DONSON: variants seen among roughly 807,000 people sequenced by gnomAD.
DONSON encodes the protein protein downstream neighbor of Son.
Under a neutral mutation model 62.1 loss-of-function variants are expected in DONSON, and 43 were observed. The ratio of observed to expected loss-of-function variants is 0.69; its 90% CI spans 0.54 to 0.89. DONSON has a LOEUF of 0.89. Ranked by LOEUF, DONSON falls within the 40% of genes least tolerant of loss-of-function variation. The probability of loss-of-function intolerance (pLI) is 0.00; values close to 1 mark genes in which losing one functional copy is unlikely to be tolerated. For synonymous variants in DONSON, 266 were observed against 264.6 expected (o/e 1.01, Z -0.05); for missense variants, 696 against 697.5 (o/e 1.00, Z 0.03).
At position 33,581,237 on chromosome 21, in the gene DONSON, A is replaced by G. The variant is rs185064546; in HGVS notation, c.1350+65T>C. The G allele has an allele frequency of 3.4e-4, 490 of 1,437,756 alleles. 2 individuals carry two copies. The African/African-American group carries it at 6.5e-3, about 19-fold the overall frequency. 89.1% of individuals were successfully genotyped at this position (1,437,756 alleles called of 1,614,324 possible). A position where few individuals can be genotyped will look rare whatever the true frequency, so the allele number is the denominator to read the frequency against. On this transcript the variant is annotated intron_variant, in intron 8 of 9. Coordinates refer to ENST00000303071, the MANE Select transcript of DONSON (RefSeq NM_017613.4). Reference sequence around the variant, plus strand: ...AAAATGCTAGGAGGTTTTTTTTTAAATCAAGAATTTATCCTATCAAAGTAA... The same window carrying G: ...AAAATGCTAGGAGGTTTTTTTTTAAGTCAAGAATTTATCCTATCAAAGTAA...
At chr21:33,578,858 C>T (rs1396388410) in intron 9 of DONSON, among the ~76,000 whole-genome samples, 1 of 152,142 alleles carries the variant, frequency 6.6e-6, no homozygotes, top group African/African-American at 2.4e-5. Context: ...GGACTGAGGC[C>T]GGGTGCCGTG....
rs181469170 is a variant in DONSON, at chr21:33,582,745, T to C, written c.965-499A>G. 2.2e-4 allele frequency among the ~76,000 whole-genome samples: 34 copies of C among 152,298 alleles called. No homozygotes were observed. The East Asian group carries it at 3.1e-3, about 14-fold the overall frequency. On this transcript the variant is annotated intron_variant, in intron 5 of 9. Transcript: ENST00000303071. ...GGACTGGTACTGGCCTGTGGCCTGTTAGAAACCGGGCTGCACAGCAGGAGG... is the reference window on the plus strand; with the variant it reads ...GGACTGGTACTGGCCTGTGGCCTGTCAGAAACCGGGCTGCACAGCAGGAGG...
In DONSON at chr21:33,583,408, AT is replaced by A. The variant is rs929871493; in HGVS notation, c.964+79del. 3.8e-5 allele frequency: 43 copies of A among 1,134,182 alleles called. No individual in the cohort carries two copies. The African/African-American group carries it at 6.6e-4, about 17-fold the overall frequency. 70.3% of individuals were successfully genotyped at this position (1,134,182 alleles called of 1,614,324 possible). On this transcript the variant is annotated intron_variant, in intron 5 of 9. Transcript: ENST00000303071. ...TGTTGCTAATCAACTGGTAAAAGGC[AT>A]TTTAAATTTAAATAGCTTTTAGGCC...
chr21:33,582,400 A>G (rs757718040), intron 5 of DONSON, among the ~76,000 whole-genome samples, 154 bp from the exon 6 acceptor site: 7 of 152,254 alleles, frequency 4.6e-5, no homozygotes, highest in Non-Finnish European at 1.0e-4. Flanking sequence ...ACCTACAAAC[A>G]TGCATAAAAC....
chr21:33,587,359 C>T (rs1032852145), intron 2 of DONSON, 163 bp downstream of exon 2: 4 of 985,140 alleles, frequency 4.1e-6, no homozygotes, highest in South Asian at 4.7e-5. Context: ...TTGGCTGATG[C>T]GGTATTTTCA....
In DONSON at chr21:33,588,647, G is replaced by A. The variant is rs1569078327; in HGVS notation, c.-6C>T. On this transcript the variant is annotated 5_prime_UTR_variant, in exon 1 of 10. Transcript: ENST00000303071. Reference sequence around the variant, plus strand: ...CCGGGCACCGAAAGGGCCATGACGCGCGGCGGCTGAGGGTAGCCGGCCGCC... The same window carrying A: ...CCGGGCACCGAAAGGGCCATGACGCACGGCGGCTGAGGGTAGCCGGCCGCC... The A allele has an allele frequency of 8.1e-7, 1 of 1,233,060 alleles. No individual in the cohort carries two copies. 76.4% of individuals were successfully genotyped at this position (1,233,060 alleles called of 1,614,324 possible).
intron 2 of DONSON, among the ~76,000 whole-genome samples, chr21:33,586,467 T>C (rs996082477): frequency 5.3e-5 from 8 of 152,158 alleles, no homozygotes; most frequent in African/African-American, 1.9e-4. Flanking sequence ...GTATAGATGT[T>C]TGTATTGAAG....
rs929463171 is a variant in DONSON at position 33,588,497 on chromosome 21, G to C, written c.145C>G (p.Leu49Val). Residue 49 changes from leucine (L) to valine (V), a missense_variant, in exon 1 of 10, where the codon CTG (leucine) becomes GTG (valine). Leu to Val is a conservative substitution (Grantham distance 32, BLOSUM62 1). Coordinates refer to ENST00000303071, the MANE Select transcript of DONSON (RefSeq NM_017613.4). The stretch of plus-strand genomic sequence containing the variant: ...GGGCGAAGAGGCAGCCCCGCCACCA[G>C]GGCGGCTCGGCGGGCCGCCGGCTCC... ...LTEPAARRAA[L>V]VAGLPLRPFP... 4.0e-6 allele frequency: 5 copies of C among 1,256,996 alleles called. No homozygotes were observed. In the African/African-American group the frequency reaches 7.8e-5, roughly 20 times the overall value. The allele number at this position is 1,256,996 out of a possible 1,614,324, so 77.9% of individuals were successfully genotyped here.
chr21:33,587,690 T>C (rs1321811021), intron 1 of DONSON, 88 bp from the exon 2 acceptor site: 1 of 861,930 alleles, frequency 1.2e-6, no homozygotes, highest in Non-Finnish European at 1.8e-6. Context: ...CATACATGTT[T>C]CTCAATAAAC....
chr21:33,583,865 C>CT (rs1332232167), intron 4 of DONSON, among the ~76,000 whole-genome samples, 199 bp from the exon 5 acceptor site: 1 of 151,820 alleles, frequency 6.6e-6, no homozygotes, highest in Non-Finnish European at 1.5e-5. Flanking sequence ...CTTCTCAATA[C>CT]TTTAACAAAT....
intron 2 of DONSON, chr21:33,587,308 C>T: frequency 1.1e-6 from 1 of 952,216 alleles, no homozygotes; most frequent in Non-Finnish European, 1.3e-6. Context: ...CGCTGGCTAT[C>T]TTTACAGTCA....
In DONSON at chr21:33,578,359, G is replaced by T; in HGVS notation, c.1649C>A (p.Ser550Ter). ...TCTCAGCACCACATTCCGTAAAGAT[G>T]ATTTCCCAAGTAACGGTATTTGACT... is the stretch of plus-strand genomic sequence containing the variant. ...QLSQIPLLGKSSLRNVVLRDY... is the reference protein window; with the variant it reads ...QLSQIPLLGK The change falls in exon 10 of 10, where the codon TCA becomes TAA. Residue 550 changes from serine to a stop codon, truncating the protein, a stop_gained. Coordinates refer to ENST00000303071, the MANE Select transcript of DONSON (RefSeq NM_017613.4). LOFTEE classifies it high-confidence loss of function. The T allele has an allele frequency of 6.2e-7, 1 of 1,614,034 alleles. No homozygotes were observed. The highest frequency in any genetic ancestry group is 8.5e-7 in the Non-Finnish European group (1 of 1,179,938).
At chr21:33,583,168 T>G (rs1029837483) in intron 5 of DONSON, among the ~76,000 whole-genome samples, 2 of 128,954 alleles carry the variant, frequency 1.6e-5, no homozygotes, top group African/African-American at 3.1e-5. Context: ...ACCACTGCAT[T>G]CTAGCCTGGG....
Position 33,585,090 on chromosome 21 carries a change from C to T in DONSON, c.607-322G>A, listed in dbSNP as rs573352931. 2.6e-5 allele frequency among the ~76,000 whole-genome samples: 4 copies of T among 152,240 alleles called. No homozygotes were observed. The South Asian group carries it at 8.3e-4, about 32-fold the overall frequency. On this transcript the variant is annotated intron_variant, in intron 3 of 9. Transcript: ENST00000303071. Reference sequence around the variant, plus strand: ...GGTAACACTACATCCAACCCTCTCTCCAAAAGGCTGTTTTAAAAGTAGCCA... The same window carrying T: ...GGTAACACTACATCCAACCCTCTCTTCAAAAGGCTGTTTTAAAAGTAGCCA...
Position 33,579,501 on chromosome 21 carries a change from T to G in DONSON, c.1412A>C (p.Glu471Ala), listed in dbSNP as rs771502356. The change falls in exon 9 of 10, where the codon GAG becomes GCG. Residue 471 changes from glutamate to alanine, a missense_variant. Physicochemically the swap from Glu to Ala is moderately radical, Grantham distance 107 (BLOSUM62 -1). Transcript: ENST00000303071. The stretch of plus-strand genomic sequence containing the variant: ...ATGAGGCATGATAGGACCTGTAATC[T>G]CCAAACTAAATTGGTCTCTGTATCC... ...LSGYRDQFSLEITGPIMPHSL... is the reference protein window; with the variant it reads ...LSGYRDQFSLAITGPIMPHSL... 3 of 1,614,084 alleles carry G rather than the reference T, an allele frequency of 1.9e-6. No individual in the cohort carries two copies. In the African/African-American group the frequency reaches 4.0e-5, roughly 22 times the overall value.
At chr21:33,580,093 A>G (rs1326469237) in intron 8 of DONSON, among the ~76,000 whole-genome samples, 1 of 151,946 alleles carries the variant, frequency 6.6e-6, no homozygotes, top group Non-Finnish European at 1.5e-5. Context: ...GCTACTTGGG[A>G]AGCTAAGGCA....
At chr21:33,581,250 C>G in intron 8 of DONSON, 52 bp downstream of exon 8, 2 of 1,490,944 alleles carry the variant, frequency 1.3e-6, no homozygotes, top group Non-Finnish European at 9.1e-7. Flanking sequence ...AAGAATTTAT[C>G]CTATCAAAGT....
Position 33,578,103 on chromosome 21 carries a change from C to A in DONSON, c.*204G>T. On this transcript the variant is annotated 3_prime_UTR_variant, in exon 10 of 10. Coordinates refer to ENST00000303071, the MANE Select transcript of DONSON (RefSeq NM_017613.4). ...AATTAGGTTGTAGGGATATAGATAT[C>A]TCATTTGAGTTATCTGAGTTTTTCA... The A allele has an allele frequency of 1.9e-6, 1 of 514,812 alleles. No homozygotes were observed. The highest frequency in any genetic ancestry group is 3.4e-6 in the Non-Finnish European group (1 of 298,092). The allele number at this position is 514,812 out of a possible 1,614,324, so 31.9% of individuals were successfully genotyped here. A position where few individuals can be genotyped will look rare whatever the true frequency, so the allele number is the denominator to read the frequency against.
intron 9 of DONSON, among the ~76,000 whole-genome samples, chr21:33,579,065 G>A (rs913242357): frequency 1.6e-5 from 2 of 123,636 alleles, no homozygotes; most frequent in African/African-American, 6.4e-5. Context: ...TTGAACCCAG[G>A]AGGCTAAGGC....
Sources: allele counts gnomAD v4.1 joint callset (sites outside exome capture counted in the v4.1 genomes callset), GRCh38; gene constraint gnomAD v4.1.1; transcripts MANE v1.5; gene names NCBI Gene and HGNC (gene_info 2026-07-23, HGNC 2026-07-21).